SHROOM3: variants seen among roughly 807,000 people sequenced by gnomAD.
SHROOM3 encodes shroom family member 3, also known as protein Shroom3.
SHROOM3 carries 47 observed loss-of-function variants against 138.6 expected under a neutral mutation model. The observed-to-expected ratio is 0.34, with a 90% CI of 0.27 to 0.43. SHROOM3 has a LOEUF of 0.43. SHROOM3 is among the 20% of genes least tolerant of loss of function. The pLI is 1.00. For synonymous variants in SHROOM3, 1,062 were observed against 1,063.3 expected (o/e 1.00, Z 0.02); for missense variants, 2,491 against 2,596.5 (o/e 0.96, Z 0.88).
At chr4:76,715,597 CA>C (rs1221446963) in intron 3 of SHROOM3, among the ~76,000 whole-genome samples, 2 of 152,200 alleles carry the variant, frequency 1.3e-5, no homozygotes, top group African/African-American at 4.8e-5. Context: ...CCTTCTCCCA[CA>C]AGTCATTATA....
intron 1 of SHROOM3, among the ~76,000 whole-genome samples, chr4:76,543,360 T>C (rs17002078): frequency 0.028 from 4,269 of 152,072 alleles, 222 homozygotes; most frequent in African/African-American, 0.095. Flanking sequence ...TGGAGGTATA[T>C]GAGAGTGTGG....
At chr4:76,731,059 T>G in intron 4 of SHROOM3, 124 bp downstream of exon 4, 78 of 1,317,952 alleles carry the variant, frequency 5.9e-5, no homozygotes, top group Non-Finnish European at 7.9e-5. Flanking sequence ...ATTAAATCTC[T>G]ATCCACTGCT....
intron 4 of SHROOM3, among the ~76,000 whole-genome samples, chr4:76,735,868 A>AAAAATATATATATAT (rs1553944040): frequency 1.1e-4 from 2 of 18,812 alleles, no homozygotes; most frequent in Middle Eastern, 0.031. Flanking sequence ...AAAAAAAAAA[A>AAAAATATATATATAT]ATATATATAT....
At chr4:76,610,271 G>A (rs1034084351) in intron 2 of SHROOM3, among the ~76,000 whole-genome samples, 5 of 152,198 alleles carry the variant, frequency 3.3e-5, no homozygotes, top group Non-Finnish European at 7.3e-5. Flanking sequence ...ATGCCATCGA[G>A]GTATGAGTTA....
chr4:76,720,574 T>C (rs550175731), intron 3 of SHROOM3, among the ~76,000 whole-genome samples: 28 of 152,116 alleles, frequency 1.8e-4, no homozygotes, highest in African/African-American at 6.7e-4. Flanking sequence ...CATCTATTAT[T>C]CTATACTAAA....
intron 1 of SHROOM3, among the ~76,000 whole-genome samples, chr4:76,478,697 G>A (rs1731540916): frequency 6.6e-6 from 1 of 152,208 alleles, no homozygotes. Flanking sequence ...ACACCTCCCA[G>A]TAGGGGATGA....
intron 1 of SHROOM3, among the ~76,000 whole-genome samples, chr4:76,512,933 G>T (rs1288639633): frequency 6.6e-6 from 1 of 152,142 alleles, no homozygotes; most frequent in Non-Finnish European, 1.5e-5. Flanking sequence ...CTTTCACAAT[G>T]TCATAAAAGT....
chr4:76,455,718 C>G (rs550881432), intron 1 of SHROOM3, among the ~76,000 whole-genome samples: 1 of 151,974 alleles, frequency 6.6e-6, no homozygotes, highest in Non-Finnish European at 1.5e-5. Context: ...TTTTTTTTAA[C>G]CTGTAAGACT....
At chr4:76,773,165 A>T (rs1304728778) in intron 10 of SHROOM3, among the ~76,000 whole-genome samples, 1 of 152,144 alleles carries the variant, frequency 6.6e-6, no homozygotes, top group Non-Finnish European at 1.5e-5. Context: ...TCATGAGGTC[A>T]GGAGTTCAAG....
rs751028363 is a variant in SHROOM3 at position 76,605,990 on chromosome 4, C to CATAT, written c.323+50242_323+50245dup. On this transcript the variant is annotated intron_variant, in intron 2 of 10. Coordinates refer to ENST00000296043, the MANE Select transcript of SHROOM3 (RefSeq NM_020859.4). ...ATATATACACATATACACACACACACATATATATATATATATATTTTTTTT... is the reference window on the plus strand; with the variant it reads ...ATATATACACATATACACACACACACATATATATATATATATATATATTTTTTTT... Among the ~76,000 whole-genome samples the CATAT allele has an allele frequency of 2.0e-3, 172 of 84,656 alleles. 2 individuals carry two copies. Among genetic ancestry groups the CATAT allele is most frequent in the Middle Eastern group, 8.5e-3 (1 of 118 alleles). 55.5% of individuals were successfully genotyped at this position (84,656 alleles called of 152,430 possible).
chr4:76,470,841 C>A (rs763792931), intron 1 of SHROOM3, among the ~76,000 whole-genome samples: 2 of 152,136 alleles, frequency 1.3e-5, no homozygotes, highest in Non-Finnish European at 2.9e-5. Context: ...ACATTTCAAG[C>A]AGAATTTAAT....
At chr4:76,666,965 G>A (rs569306398) in intron 2 of SHROOM3, among the ~76,000 whole-genome samples, 92 of 152,318 alleles carry the variant, frequency 6.0e-4, no homozygotes, top group African/African-American at 2.1e-3. Flanking sequence ...AGTGAAAGAA[G>A]CCAGTCACAG....
intron 1 of SHROOM3, among the ~76,000 whole-genome samples, chr4:76,498,086 C>A (rs72659707): frequency 0.035 from 5,260 of 152,206 alleles, 104 homozygotes; most frequent in Middle Eastern, 0.065. Context: ...ATAGTTTGTT[C>A]TCTTGCCTCT....
At chr4:76,525,708 T>C (rs184067947) in intron 1 of SHROOM3, among the ~76,000 whole-genome samples, 5 of 152,352 alleles carry the variant, frequency 3.3e-5, no homozygotes, top group African/African-American at 1.2e-4. Flanking sequence ...AGTAACATTC[T>C]TAGAGGCTTT....
At chr4:76,459,092 G>T (rs1731089121) in intron 1 of SHROOM3, among the ~76,000 whole-genome samples, 2 of 152,064 alleles carry the variant, frequency 1.3e-5, no homozygotes, top group Non-Finnish European at 2.9e-5. Context: ...TCTTATTCCT[G>T]CTACCTCCAT....
chr4:76,613,349 T>C (rs1356164090), intron 2 of SHROOM3, among the ~76,000 whole-genome samples: 1 of 152,216 alleles, frequency 6.6e-6, no homozygotes, highest in African/African-American at 2.4e-5. Context: ...CCTTCAATAA[T>C]TGCTGTCCAT....
chr4:76,490,532 G>C (rs1382396845), intron 1 of SHROOM3, among the ~76,000 whole-genome samples: 3 of 152,056 alleles, frequency 2.0e-5, no homozygotes, highest in Non-Finnish European at 4.4e-5. Context: ...TGGGATTACA[G>C]GTGTGAGCCA....
chr4:76,583,296 C>T (rs926778180), intron 2 of SHROOM3, among the ~76,000 whole-genome samples: 1 of 152,198 alleles, frequency 6.6e-6, no homozygotes, highest in Admixed American at 6.5e-5. Context: ...CACCATTCTT[C>T]TGTCCATGAG....
intron 2 of SHROOM3, among the ~76,000 whole-genome samples, chr4:76,704,221 G>C (rs1719984038): frequency 6.6e-6 from 1 of 152,192 alleles, no homozygotes; most frequent in Admixed American, 6.5e-5. Context: ...GATTCATTCA[G>C]CAAATATGCA....
Sources: allele counts gnomAD v4.1 joint callset (sites outside exome capture counted in the v4.1 genomes callset), GRCh38; gene constraint gnomAD v4.1.1; transcripts MANE v1.5; gene names NCBI Gene and HGNC (gene_info 2026-07-23, HGNC 2026-07-21).